The following PPFIBP1 variants were observed in gnomAD, a reference collection of about 807,000 sequenced individuals.
PPFIBP1 encodes PPFIB scaffold protein 1.
A neutral mutation model predicts 137.8 loss-of-function variants in PPFIBP1; 112 were observed. The observed-to-expected ratio is 0.81, with a 90% CI of 0.70 to 0.95. The LOEUF is 0.95. Ranked by LOEUF, PPFIBP1 falls within the 40% of genes least tolerant of loss-of-function variation. The probability of loss-of-function intolerance (pLI) is 0.00; values close to 1 mark genes in which losing one functional copy is unlikely to be tolerated. For missense variants in PPFIBP1, 1,083 were observed against 1,196.6 expected (o/e 0.91, Z 1.40); for synonymous variants, 378 against 417.3 (o/e 0.91, Z 1.15).
chr12:27,524,622 C>A (rs1943507624), intron 1 of PPFIBP1, among the ~76,000 whole-genome samples: 1 of 151,980 alleles, frequency 6.6e-6, no homozygotes, highest in South Asian at 2.1e-4. Context: ...TATCCTTAGA[C>A]CCCCACACCC....
At chr12:27,621,983 G>A (rs1220297467) in intron 2 of PPFIBP1, among the ~76,000 whole-genome samples, 6 of 152,198 alleles carry the variant, frequency 3.9e-5, no homozygotes, top group East Asian at 1.9e-4. Context: ...GTCCAACTAC[G>A]TGACTGCAAC....
intron 2 of PPFIBP1, chr12:27,593,642 A>T (rs919369165): frequency 4.0e-6 from 2 of 503,088 alleles, no homozygotes; most frequent in Non-Finnish European, 7.3e-6. Flanking sequence ...CTTGCACAAG[A>T]TTATTCAGTT....
Position 27,593,608 on chromosome 12 carries a change from G to T in PPFIBP1, c.-36+15369G>T. On this transcript the variant is annotated intron_variant, in intron 2 of 29. Coordinates refer to ENST00000228425, the MANE Select transcript of PPFIBP1 (RefSeq NM_003622.4). The stretch of plus-strand genomic sequence containing the variant: ...GCATCATCATCTTCATTGTCTTTCA[G>T]ATTTTCTAGAAATGTCTGAAACTCT... The T allele has an allele frequency of 7.0e-6, 3 of 428,914 alleles. No individual in the cohort carries two copies. The South Asian group carries it at 7.2e-5, about 10-fold the overall frequency. 26.6% of individuals were successfully genotyped at this position (428,914 alleles called of 1,614,324 possible).
rs10624399 is a variant in PPFIBP1, at chr12:27,641,980, A to G, written c.271-4082A>G. Reference sequence around the variant, plus strand: ...AAATAAATAAATAAATAAATAAATAAATAGAAGGCTTTCCACTTAGATGGT... The same window carrying G: ...AAATAAATAAATAAATAAATAAATAGATAGAAGGCTTTCCACTTAGATGGT... On this transcript the variant is annotated intron_variant, in intron 4 of 29. Transcript: ENST00000228425. Among the ~76,000 whole-genome samples, 805 of 144,968 alleles carry G rather than the reference A, an allele frequency of 5.6e-3. 8 individuals carry two copies. The highest frequency in any genetic ancestry group is 0.011 in the Middle Eastern group (3 of 282).
At chr12:27,650,374 A>G (rs1174856901) in intron 7 of PPFIBP1, among the ~76,000 whole-genome samples, 2 of 152,252 alleles carry the variant, frequency 1.3e-5, no homozygotes, top group Non-Finnish European at 2.9e-5. Context: ...GATATGAAGT[A>G]TTAATCTTTT....
intron 1 of PPFIBP1, among the ~76,000 whole-genome samples, chr12:27,531,012 C>T (rs1409287291): frequency 6.6e-6 from 1 of 152,200 alleles, no homozygotes. Context: ...AACCACAGAA[C>T]TTGGGTCAGT....
chr12:27,558,467 T>TACACACACAC (rs10677887), intron 1 of PPFIBP1, among the ~76,000 whole-genome samples: 6,923 of 129,228 alleles, frequency 0.054, 813 homozygotes, highest in Non-Finnish European at 0.074. Flanking sequence ...CAGTATGTTA[T>TACACACACAC]ACACACACAC....
At chr12:27,542,474 T>C (rs1448734212) in intron 1 of PPFIBP1, among the ~76,000 whole-genome samples, 1 of 152,238 alleles carries the variant, frequency 6.6e-6, no homozygotes, top group Non-Finnish European at 1.5e-5. Flanking sequence ...AAACAGCAAT[T>C]AATTTTGCGC....
intron 1 of PPFIBP1, among the ~76,000 whole-genome samples, chr12:27,541,297 G>T (rs1945636402): frequency 6.6e-6 from 1 of 152,106 alleles, no homozygotes; most frequent in Middle Eastern, 3.2e-3. Flanking sequence ...GTGAGAAAAG[G>T]GGAGGCTGTT....
intron 13 of PPFIBP1, among the ~76,000 whole-genome samples, chr12:27,668,147 C>T (rs910258351): frequency 5.3e-5 from 8 of 152,196 alleles, no homozygotes; most frequent in African/African-American, 1.7e-4. Context: ...AAAATACACT[C>T]GCCCCCTTTC....
At chr12:27,620,244 C>T (rs1183903526) in intron 2 of PPFIBP1, among the ~76,000 whole-genome samples, 14 of 152,140 alleles carry the variant, frequency 9.2e-5, no homozygotes, top group Non-Finnish European at 1.9e-4. Flanking sequence ...TCTCCATGCT[C>T]AATTGAAGTC....
In PPFIBP1 at chr12:27,626,582, T is replaced by C. The variant is rs183705681; in HGVS notation, c.-35-6780T>C. Among the ~76,000 whole-genome samples, 6 of 152,172 alleles carry C rather than the reference T, an allele frequency of 3.9e-5. No homozygotes were observed. The East Asian group carries it at 1.2e-3, about 29-fold the overall frequency. The stretch of plus-strand genomic sequence containing the variant: ...CTAGGGATTTGCATTTCTTTTTTTT[T>C]TTGAGATGGAGTCTCACTCTATCGC... On this transcript the variant is annotated intron_variant, in intron 2 of 29. Coordinates refer to ENST00000228425, the MANE Select transcript of PPFIBP1 (RefSeq NM_003622.4).
intron 6 of PPFIBP1, 52 bp from the exon 7 acceptor site, chr12:27,649,958 G>A (rs141848792): frequency 1.0e-4 from 154 of 1,522,438 alleles, no homozygotes; most frequent in Non-Finnish European, 8.3e-5. Flanking sequence ...GTAAATTCAC[G>A]TGCCTGTTTA....
rs148915236 is a variant in PPFIBP1 at position 27,685,138 on chromosome 12, T to A, written c.2248-2247T>A. Reference sequence around the variant, plus strand: ...GATTTTAAGCTTGAATTTGTTCACATATATACTATATAATTATGTAATACT... The same window carrying A: ...GATTTTAAGCTTGAATTTGTTCACAAATATACTATATAATTATGTAATACT... On this transcript the variant is annotated intron_variant, in intron 24 of 29. Coordinates refer to ENST00000228425, the MANE Select transcript of PPFIBP1 (RefSeq NM_003622.4). 1.4e-3 allele frequency among the ~76,000 whole-genome samples: 219 copies of A among 152,180 alleles called. 1 individual carries two copies. The East Asian group carries it at 0.028, about 20-fold the overall frequency.
At chr12:27,578,764 G>A (rs115695213) in intron 2 of PPFIBP1, among the ~76,000 whole-genome samples, 405 of 152,274 alleles carry the variant, frequency 2.7e-3, no homozygotes, top group African/African-American at 9.0e-3. Flanking sequence ...TGATTAATTC[G>A]ATTCCATGTT....
intron 5 of PPFIBP1, among the ~76,000 whole-genome samples, chr12:27,646,510 C>T (rs2058507364): frequency 6.6e-6 from 1 of 151,192 alleles, no homozygotes; most frequent in South Asian, 2.1e-4. Flanking sequence ...TCCCAAGTAG[C>T]TGGGATTACA....
At chr12:27,599,381 A>G in intron 2 of PPFIBP1, 2 of 448,298 alleles carry the variant, frequency 4.5e-6, no homozygotes, top group South Asian at 1.6e-5. Context: ...CCTCCTGCTT[A>G]TCAAGCCTTC....
chr12:27,688,043 A>G, intron 25 of PPFIBP1: 1 of 361,120 alleles, frequency 2.8e-6, no homozygotes, highest in South Asian at 3.6e-5. Flanking sequence ...CCCTGATTAT[A>G]CCACTGCAAC....
At chr12:27,602,405 T>TA (rs2054093497) in intron 2 of PPFIBP1, among the ~76,000 whole-genome samples, 2 of 152,224 alleles carry the variant, frequency 1.3e-5, no homozygotes, top group Admixed American at 6.5e-5. Context: ...TTAACACATC[T>TA]ATCACCTCAC....
Sources: gnomAD v4.1 joint callset for allele counts (sites outside exome capture counted in the v4.1 genomes callset) on GRCh38, gnomAD v4.1.1 for gene constraint, MANE v1.5 for transcripts, NCBI Gene and HGNC (gene_info 2026-07-23, HGNC 2026-07-21) for gene names.